LRP5: variants seen among roughly 807,000 people sequenced by gnomAD.
The protein encoded by LRP5 is low-density lipoprotein receptor-related protein 5.
In LRP5, 62 loss-of-function variants were observed where a neutral mutation model predicts 154.1. The observed-to-expected ratio is 0.40, with a 90% CI of 0.33 to 0.50. The LOEUF (loss-of-function observed/expected upper bound fraction) is 0.50, where lower values mean the gene tolerates loss of function less well. Ranked by LOEUF, LRP5 falls within the 20% of genes least tolerant of loss-of-function variation. The probability of loss-of-function intolerance (pLI) is 0.55; values close to 1 mark genes in which losing one functional copy is unlikely to be tolerated. For missense variants in LRP5, 1,915 were observed against 2,336.7 expected, an observed-to-expected ratio of 0.82 and a Z score of 3.72; for synonymous variants, 966 against 1,011.5, an observed-to-expected ratio of 0.96 and a Z score of 0.85.
chr11:68,317,494 G>C (rs312014), intron 1 of LRP5, among the ~76,000 whole-genome samples: 64,477 of 151,930 alleles, frequency 0.42, 14,111 homozygotes, highest in South Asian at 0.65. Flanking sequence ...CCCTGAGTTA[G>C]GAGCAGAACG....
At chr11:68,314,585 T>A (rs1360217172) in intron 1 of LRP5, among the ~76,000 whole-genome samples, 1 of 152,244 alleles carries the variant, frequency 6.6e-6, no homozygotes, top group Non-Finnish European at 1.5e-5. Flanking sequence ...AATTGGAAGC[T>A]GTGAACGCAC....
At chr11:68,445,062 C>T (rs533857345) in intron 21 of LRP5, among the ~76,000 whole-genome samples, 70 of 152,158 alleles carry the variant, frequency 4.6e-4, no homozygotes, top group Non-Finnish European at 5.9e-4. Flanking sequence ...CAGGCCTTCT[C>T]GAGCCCATTT....
chr11:68,301,398 C>T, the LRP5 span, among the ~76,000 whole-genome samples: 1 of 148,354 alleles, frequency 6.7e-6, no homozygotes, highest in African/African-American at 2.4e-5. Flanking sequence ...TTGCTTGAGC[C>T]CAGGAGGTTG....
chr11:68,404,361 G>A (rs1271500328), intron 8 of LRP5: 2 of 525,736 alleles, frequency 3.8e-6, no homozygotes, highest in Non-Finnish European at 7.4e-6. Flanking sequence ...CTTTGCTGAT[G>A]AAGGATGAGA....
intron 5 of LRP5, among the ~76,000 whole-genome samples, chr11:68,374,157 G>T (rs2098636019): frequency 6.6e-6 from 1 of 152,184 alleles, no homozygotes; most frequent in Non-Finnish European, 1.5e-5. Context: ...GAACAGAGGG[G>T]GCCACTGTCG....
chr11:68,312,711 C>G lies in LRP5; in HGVS notation c.-4C>G. On this transcript the variant is annotated 5_prime_UTR_variant, in exon 1 of 23. Coordinates refer to ENST00000294304, the MANE Select transcript of LRP5 (RefSeq NM_002335.4). ...GGCGCGGGCCCGTCCGGCCGCCGGA[C>G]AACATGGAGGCAGCGCCGCCCGGGC... The G allele has an allele frequency of 9.8e-7, 1 of 1,024,478 alleles. No homozygotes were observed. Among genetic ancestry groups the G allele is most frequent in the Non-Finnish European group, 1.2e-6 (1 of 856,896 alleles). The allele number at this position is 1,024,478 out of a possible 1,614,324, so 63.5% of individuals were successfully genotyped here.
At position 68,411,610 on chromosome 11, in the gene LRP5, C is replaced by G. The variant is rs1324187133; in HGVS notation, c.2493C>G (p.Ser831=). 6.2e-7 allele frequency: 1 copy of G among 1,610,908 alleles called. No individual in the cohort carries two copies. Among genetic ancestry groups the G allele is most frequent in the Non-Finnish European group, 8.5e-7 (1 of 1,178,694 alleles). Reference sequence around the variant, plus strand: ...TGGACACCAACATGATCGAGTCGTCCAACATGCTGGGTGAGGGCCGGGCTG... The same window carrying G: ...TGGACACCAACATGATCGAGTCGTCGAACATGCTGGGTGAGGGCCGGGCTG... The part of the protein sequence containing the change: ...TDLDTNMIES[S]NMLGQERVVI... Residue 831 remains serine (S), a synonymous_variant, in exon 11 of 23, where the codon TCC becomes TCG. Transcript: ENST00000294304.
rs1448524779 is a variant in LRP5, at chr11:68,411,544, C to T, written c.2427C>T (p.Leu809=). ...ACAAGGTGGGCCGGGCCAACGACCT[C>T]ACCATTGACTACGCTGACCAGCGCC... ...LVDKVGRAND[L]TIDYADQRLY... is the part of the protein sequence containing the mutation. Residue 809 remains leucine, a synonymous_variant, in exon 11 of 23, where the codon CTC becomes CTT. Transcript: ENST00000294304. The T allele has an allele frequency of 6.2e-7, 1 of 1,613,888 alleles. No individual in the cohort carries two copies. The highest frequency in any genetic ancestry group is 8.5e-7 in the Non-Finnish European group (1 of 1,180,036).
intron 6 of LRP5, among the ~76,000 whole-genome samples, chr11:68,387,709 C>T (rs181332461): frequency 6.6e-6 from 1 of 152,216 alleles, no homozygotes; most frequent in South Asian, 2.1e-4. Flanking sequence ...TAACCCAGAA[C>T]ACTGAATGGG....
intron 16 of LRP5, among the ~76,000 whole-genome samples, chr11:68,426,978 C>T (rs890487309): frequency 3.9e-5 from 6 of 152,170 alleles, no homozygotes; most frequent in African/African-American, 1.2e-4. Context: ...GTCCTTGCCC[C>T]GTGGCCCTCT....
At chr11:68,317,460 G>C (rs2098594075) in intron 1 of LRP5, among the ~76,000 whole-genome samples, 2 of 152,214 alleles carry the variant, frequency 1.3e-5, no homozygotes, top group South Asian at 4.1e-4. Flanking sequence ...GCTCTGTGCT[G>C]GTTGCCCCCG....
chr11:68,391,784 A>C (rs2098646485), intron 7 of LRP5, among the ~76,000 whole-genome samples: 1 of 152,248 alleles, frequency 6.6e-6, no homozygotes, highest in Non-Finnish European at 1.5e-5. Context: ...GGAGCAGGTC[A>C]GGGACTCGCG....
At position 68,426,333 on chromosome 11, in the gene LRP5, G is replaced by A. The variant is rs149380693; in HGVS notation, c.3637+146G>A. 284 of 670,588 alleles carry A rather than the reference G, an allele frequency of 4.2e-4. No homozygotes were observed. The African/African-American group carries it at 4.4e-3, about 10-fold the overall frequency. The allele number at this position is 670,588 out of a possible 1,614,324, so 41.5% of individuals were successfully genotyped here. A position where few individuals can be genotyped will look rare whatever the true frequency, so the allele number is the denominator to read the frequency against. ...CAACTGTTGCCCGCTGGGGTTCAGC[G>A]ACATGTCCGAATGTCCCGAGGCCTC... On this transcript the variant is annotated intron_variant, in intron 16 of 22. Transcript: ENST00000294304.
chr11:68,420,179 C>T (rs1183281238), intron 13 of LRP5, among the ~76,000 whole-genome samples: 5 of 152,212 alleles, frequency 3.3e-5, no homozygotes, highest in Non-Finnish European at 1.5e-5. Flanking sequence ...ACTACTTCAC[C>T]TTCTCGGCAG....
intron 1 of LRP5, among the ~76,000 whole-genome samples, chr11:68,325,725 C>T (rs7924398): frequency 0.085 from 12,990 of 152,258 alleles, 629 homozygotes; most frequent in Middle Eastern, 0.16. Context: ...TCACCCGTTC[C>T]TGCCTGACCT....
Position 68,425,993 on chromosome 11 carries a change from C to T in LRP5, c.3443C>T (p.Thr1148Ile), listed in dbSNP as rs771190332. 8 of 1,611,960 alleles carry T rather than the reference C, an allele frequency of 5.0e-6. No individual in the cohort carries two copies. Among genetic ancestry groups the T allele is most frequent in the Admixed American group, 1.7e-5 (1 of 60,012 alleles). The part of the protein sequence containing the change: ...SCDLSGANRL[T>I]LEDANIVQPL... ...CTGCTTGCAGGGGCCAACCGCCTGACCCTGGAGGACGCCAACATCGTGCAG... is the reference window on the plus strand; with the variant it reads ...CTGCTTGCAGGGGCCAACCGCCTGATCCTGGAGGACGCCAACATCGTGCAG... Residue 1148 changes from threonine to isoleucine, a missense_variant, in exon 16 of 23, where the codon ACC (threonine) becomes ATC (isoleucine). By Grantham distance (89) the Thr-to-Ile change is moderately conservative. Coordinates refer to ENST00000294304, the MANE Select transcript of LRP5 (RefSeq NM_002335.4).
chr11:68,404,442 GC>G (rs1565081019), intron 8 of LRP5: 3 of 499,708 alleles, frequency 6.0e-6, no homozygotes, highest in Non-Finnish European at 1.2e-5. Context: ...TGACTCTGCT[GC>G]CCGTCGGGTG....
At chr11:68,358,743 T>G (rs1565343397) in intron 3 of LRP5, among the ~76,000 whole-genome samples, 1 of 152,272 alleles carries the variant, frequency 6.6e-6, no homozygotes, top group Non-Finnish European at 1.5e-5. Flanking sequence ...TCAGCATAGC[T>G]TCCCAGCTCT....
At chr11:68,343,794 C>T (rs2510916) in intron 1 of LRP5, among the ~76,000 whole-genome samples, 2,362 of 152,242 alleles carry the variant, frequency 0.016, 63 homozygotes, top group African/African-American at 0.053. Flanking sequence ...GCATCCTGGG[C>T]GTGATTCCTG....
Sources: gnomAD v4.1 joint callset for allele counts (sites outside exome capture counted in the v4.1 genomes callset) on GRCh38, gnomAD v4.1.1 for gene constraint, MANE v1.5 for transcripts, NCBI Gene and HGNC (gene_info 2026-07-23, HGNC 2026-07-21) for gene names.